Variants in SLC19A1 observed in about 807,000 individuals in gnomAD.
SLC19A1 encodes reduced folate transporter.
Under a neutral mutation model 35.3 loss-of-function variants are expected in SLC19A1, and 37 were observed. The ratio of observed to expected loss-of-function variants is 1.05; its 90% CI spans 0.81 to 1.38. The LOEUF (loss-of-function observed/expected upper bound fraction) is 1.38, where lower values mean the gene tolerates loss of function less well. Ranked by LOEUF, SLC19A1 falls within the 40% of genes most tolerant of loss-of-function variation. The pLI, the probability that SLC19A1 is intolerant of heterozygous loss-of-function variation, is 0.00. For synonymous variants in SLC19A1, 460 were observed against 398.5 expected (o/e 1.15, Z -1.84); for missense variants, 831 against 826.9 (o/e 1.00, Z -0.06).
chr21:45,512,611 C>T lies in SLC19A1; in HGVS notation c.*3047G>A, dbSNP rs143852653. On this transcript the variant is annotated 3_prime_UTR_variant, in exon 6 of 6. Coordinates refer to ENST00000311124, the MANE Select transcript of SLC19A1 (RefSeq NM_194255.4). Reference sequence around the variant, plus strand: ...AACAGAAGCCTGATGCTGACATTCACCTGCCCCAACTCTCCCCTGACCTGT... The same window carrying T: ...AACAGAAGCCTGATGCTGACATTCATCTGCCCCAACTCTCCCCTGACCTGT... 622 of 606,720 alleles carry T rather than the reference C, an allele frequency of 1.0e-3. 3 individuals are homozygous for T. In the African/African-American group the frequency reaches 0.01, roughly 10 times the overall value. The allele number at this position is 606,720 out of a possible 1,614,324, so 37.6% of individuals were successfully genotyped here. A position where few individuals can be genotyped will look rare whatever the true frequency, so the allele number is the denominator to read the frequency against.
intron 1 of SLC19A1, among the ~76,000 whole-genome samples, chr21:45,553,619 C>T (rs1342915653): frequency 7.6e-6 from 1 of 131,500 alleles, no homozygotes; most frequent in Non-Finnish European, 1.6e-5. Context: ...CACACTCACC[C>T]CCAATCCCCC....
chr21:45,507,574 C>A, downstream of SLC19A1: 1 of 1,613,044 alleles, frequency 6.2e-7, no homozygotes, highest in Non-Finnish European at 8.5e-7. Flanking sequence ...GAGGCCCGGA[C>A]ACCACTCCCA....
In SLC19A1 at chr21:45,525,862, G is replaced by A; in HGVS notation, c.1248C>T (p.Phe416=). Residue 416 remains phenylalanine, a synonymous_variant, in exon 5 of 6, where the codon TTC becomes TTT. Coordinates refer to ENST00000311124, the MANE Select transcript of SLC19A1 (RefSeq NM_194255.4). ...FATIVKTIIT[F]IVSDVRGLGL... ...CCAGGCCCCGCACGTCCGAGACAAT[G>A]AAAGTGATGATGGTCTTGACGATGG... is the stretch of plus-strand genomic sequence containing the variant. The A allele has an allele frequency of 6.2e-7, 1 of 1,613,598 alleles. No individual in the cohort carries two copies. The highest frequency in any genetic ancestry group is 8.5e-7 in the Non-Finnish European group (1 of 1,179,998).
chr21:45,502,593 T>C (rs1056885856), intron 3 of SLC19A1: 1 of 152,214 alleles, frequency 6.6e-6, no homozygotes, highest in Non-Finnish European at 1.5e-5. Context: ...GTTAATTCTT[T>C]GCAAAGGCGA....
At chr21:45,548,972 T>G (rs948874146), upstream of SLC19A1, among the ~76,000 whole-genome samples, 1 of 152,084 alleles carries the variant, frequency 6.6e-6, no homozygotes, top group Non-Finnish European at 1.5e-5. Context: ...TGGAAAACAG[T>G]GGGGCAGCTT....
intron 1 of SLC19A1, among the ~76,000 whole-genome samples, chr21:45,560,975 C>T: frequency 6.6e-6 from 1 of 152,224 alleles, no homozygotes; most frequent in Non-Finnish European, 1.5e-5. Context: ...TGTGGTCATT[C>T]CCTGCCCTTA....
chr21:45,557,410 TGTGGCCC>T (rs2078574013), intron 1 of SLC19A1, among the ~76,000 whole-genome samples: 1 of 152,148 alleles, frequency 6.6e-6, no homozygotes, highest in South Asian at 2.1e-4. Flanking sequence ...GCCTGTGCCT[TGTGGCCC>T]CAGCCTGGCC....
At chr21:45,508,212 G>C (rs994544681), downstream of SLC19A1, among the ~76,000 whole-genome samples, 3 of 150,428 alleles carry the variant, frequency 2.0e-5, no homozygotes, top group Non-Finnish European at 4.4e-5. Context: ...GTGAGTGTAT[G>C]AATGGGTGGG....
chr21:45,521,816 A>C (rs968916123), intron 5 of SLC19A1, among the ~76,000 whole-genome samples: 6 of 152,336 alleles, frequency 3.9e-5, no homozygotes, highest in South Asian at 2.1e-4. Flanking sequence ...ACAGGCCAAA[A>C]AAAAAGTGAC....
At chr21:45,508,438 G>A (rs1166067605), downstream of SLC19A1, among the ~76,000 whole-genome samples, 1 of 150,406 alleles carries the variant, frequency 6.6e-6, no homozygotes, top group Non-Finnish European at 1.5e-5. Context: ...ATGGATGGTG[G>A]GTAAGTGGGT....
intron 5 of SLC19A1, among the ~76,000 whole-genome samples, chr21:45,516,349 G>A (rs1888529): frequency 1.3e-5 from 2 of 152,046 alleles, no homozygotes; most frequent in Non-Finnish European, 2.9e-5. Flanking sequence ...CAGGCCTGAA[G>A]GGGGGTTCCC....
chr21:45,527,540 G>C (rs1297241982), intron 4 of SLC19A1, among the ~76,000 whole-genome samples: 1 of 146,590 alleles, frequency 6.8e-6, no homozygotes, highest in Non-Finnish European at 1.5e-5. Flanking sequence ...GGGCCCTGGA[G>C]GTGAGTGGCA....
At chr21:45,529,886 G>A (rs569919076) in intron 4 of SLC19A1, among the ~76,000 whole-genome samples, 1 of 150,724 alleles carries the variant, frequency 6.6e-6, no homozygotes, top group African/African-American at 2.4e-5. Flanking sequence ...TGTGAGTGTG[G>A]TGGGTGTCTG....
intron 1 of SLC19A1, among the ~76,000 whole-genome samples, chr21:45,555,033 G>C (rs1348724412): frequency 6.6e-6 from 1 of 150,540 alleles, no homozygotes; most frequent in Non-Finnish European, 1.5e-5. Context: ...CCCTGTGCGC[G>C]CGCCTGGAGG....
chr21:45,509,401 G>C, downstream of SLC19A1: 2 of 1,543,508 alleles, frequency 1.3e-6, no homozygotes, highest in Non-Finnish European at 1.7e-6. Flanking sequence ...GCAGCTGCAC[G>C]ACAGCAACCC....
At chr21:45,526,110 T>C (rs2077608058) in intron 4 of SLC19A1, 152 bp from the exon 5 acceptor site, 1 of 775,254 alleles carries the variant, frequency 1.3e-6, no homozygotes, top group Non-Finnish European at 2.0e-6. Context: ...GGCCCCCATC[T>C]CTCCCACACA....
At position 45,515,560 on chromosome 21, in the gene SLC19A1, G is replaced by T; in HGVS notation, c.*98C>A. The T allele has an allele frequency of 6.4e-7, 1 of 1,568,166 alleles. No homozygotes were observed. The highest frequency in any genetic ancestry group is 1.2e-5 in the South Asian group (1 of 84,800). ...CCTAGGGGGCCTGCTAGCAGGATAA[G>T]CGGAGGCCCCCATTGCTAAGGCAGG... On this transcript the variant is annotated 3_prime_UTR_variant, in exon 6 of 6. Coordinates refer to ENST00000311124, the MANE Select transcript of SLC19A1 (RefSeq NM_194255.4).
intron 5 of SLC19A1, among the ~76,000 whole-genome samples, chr21:45,521,198 T>C (rs1449621331): frequency 6.6e-6 from 1 of 152,252 alleles, no homozygotes; most frequent in African/African-American, 2.4e-5. Context: ...TGTGAGAGAA[T>C]ATATTTCTGT....
At chr21:45,558,146 T>C (rs541855377) in intron 1 of SLC19A1, among the ~76,000 whole-genome samples, 10 of 152,338 alleles carry the variant, frequency 6.6e-5, no homozygotes, top group African/African-American at 2.4e-4. Context: ...GGAGGCGGCT[T>C]CTGAAAACCC....
Sources: gnomAD v4.1 joint callset for allele counts (sites outside exome capture counted in the v4.1 genomes callset) on GRCh38, gnomAD v4.1.1 for gene constraint, MANE v1.5 for transcripts, NCBI Gene and HGNC (gene_info 2026-07-23, HGNC 2026-07-21) for gene names.